MACROD2: variants seen among roughly 807,000 people sequenced by gnomAD.
MACROD2 encodes the protein mono-ADP ribosylhydrolase 2.
MACROD2 carries 36 observed loss-of-function variants against 70.4 expected under a neutral mutation model. That is an observed-to-expected ratio of 0.51 (90% CI 0.39 to 0.68). The LOEUF (loss-of-function observed/expected upper bound fraction) is 0.68. Ranked by LOEUF, MACROD2 falls within the 30% of genes least tolerant of loss-of-function variation. The pLI is 0.00. For synonymous variants in MACROD2, 172 were observed against 178.8 expected (o/e 0.96, Z 0.30); for missense variants, 496 against 538.4 (o/e 0.92, Z 0.78).
chr20:15,828,757 T>C (rs1768120264), intron 8 of MACROD2, among the ~76,000 whole-genome samples: 1 of 152,240 alleles, frequency 6.6e-6, no homozygotes. Flanking sequence ...ATATATTACC[T>C]GTGTTCAGCA....
At chr20:14,269,287 G>A (rs571114366) in intron 3 of MACROD2, among the ~76,000 whole-genome samples, 2 of 152,120 alleles carry the variant, frequency 1.3e-5, no homozygotes, top group Non-Finnish European at 2.9e-5. Flanking sequence ...TTTTAATTTG[G>A]AAATGAGAAT....
chr20:15,310,824 C>T (rs1441038284), intron 6 of MACROD2, among the ~76,000 whole-genome samples: 1 of 152,132 alleles, frequency 6.6e-6, no homozygotes, highest in Non-Finnish European at 1.5e-5. Context: ...AAGGAAATTT[C>T]ATCCAAACAG....
intron 15 of MACROD2, among the ~76,000 whole-genome samples, chr20:16,036,184 T>C (rs1190233875): frequency 1.3e-5 from 2 of 152,018 alleles, no homozygotes; most frequent in Admixed American, 1.3e-4. Context: ...ATGTCACCTA[T>C]GCAACTACAG....
chr20:14,965,523 C>G (rs573254550), intron 5 of MACROD2, among the ~76,000 whole-genome samples: 39 of 141,720 alleles, frequency 2.8e-4, no homozygotes, highest in Admixed American at 8.9e-4. Flanking sequence ...TGTAGTGGCC[C>G]GATCTCGGCT....
At chr20:14,580,663 T>TG (rs1390619832) in intron 4 of MACROD2, among the ~76,000 whole-genome samples, 1 of 152,190 alleles carries the variant, frequency 6.6e-6, no homozygotes, top group Non-Finnish European at 1.5e-5. Context: ...AAAACACTGA[T>TG]GGCAGCATTA....
intron 5 of MACROD2, among the ~76,000 whole-genome samples, chr20:14,809,534 C>T (rs1337776669): frequency 3.3e-5 from 5 of 151,658 alleles, no homozygotes; most frequent in Non-Finnish European, 7.4e-5. Flanking sequence ...ACTAGAGAAG[C>T]AAGAGCAAAC....
At chr20:15,554,367 CTTTA>C (rs2048138000) in intron 8 of MACROD2, among the ~76,000 whole-genome samples, 1 of 152,090 alleles carries the variant, frequency 6.6e-6, no homozygotes, top group Non-Finnish European at 1.5e-5. Flanking sequence ...ACAAAGGACT[CTTTA>C]TTTATCAAAA....
chr20:14,485,179 C>G (rs941772923), intron 3 of MACROD2, among the ~76,000 whole-genome samples: 3 of 152,120 alleles, frequency 2.0e-5, no homozygotes, highest in South Asian at 4.2e-4. Context: ...CACACACACA[C>G]AAACACACAA....
intron 4 of MACROD2, among the ~76,000 whole-genome samples, chr20:14,574,492 T>G (rs1568678452): frequency 6.6e-6 from 1 of 152,122 alleles, no homozygotes; most frequent in African/African-American, 2.4e-5. Flanking sequence ...GCCTCCTGCT[T>G]AAGTCCTGCA....
chr20:14,406,811 A>C (rs2083695694), intron 3 of MACROD2, among the ~76,000 whole-genome samples: 1 of 152,162 alleles, frequency 6.6e-6, no homozygotes, highest in Non-Finnish European at 1.5e-5. Flanking sequence ...AGCATATCAC[A>C]TATTAATCAT....
chr20:15,349,699 T>A (rs2078205992), intron 6 of MACROD2, among the ~76,000 whole-genome samples: 1 of 145,892 alleles, frequency 6.9e-6, no homozygotes. Flanking sequence ...GAGGTTGCAG[T>A]GAGCTGAGAT....
chr20:15,008,806 T>G (rs1293856018), intron 5 of MACROD2, among the ~76,000 whole-genome samples: 1 of 152,188 alleles, frequency 6.6e-6, no homozygotes, highest in Non-Finnish European at 1.5e-5. Context: ...ATCACCTTAT[T>G]AAAGAAGTAC....
intron 3 of MACROD2, among the ~76,000 whole-genome samples, chr20:14,305,554 G>C (rs1026007196): frequency 5.9e-5 from 9 of 152,040 alleles, no homozygotes; most frequent in African/African-American, 2.2e-4. Context: ...TTCTTGATTG[G>C]TTTAGTTCAC....
intron 3 of MACROD2, among the ~76,000 whole-genome samples, chr20:14,377,039 G>T (rs204651): frequency 6.6e-6 from 1 of 152,060 alleles, no homozygotes. Context: ...AAATATCACT[G>T]TCTCCAATTA....
chr20:15,248,414 T>C (rs1350870401), intron 6 of MACROD2, among the ~76,000 whole-genome samples: 1 of 152,152 alleles, frequency 6.6e-6, no homozygotes, highest in East Asian at 1.9e-4. Flanking sequence ...TTCTTCTCAA[T>C]TGTCTTTGTG....
At chr20:14,843,983 A>C (rs2073113121) in intron 5 of MACROD2, among the ~76,000 whole-genome samples, 1 of 152,054 alleles carries the variant, frequency 6.6e-6, no homozygotes, top group Non-Finnish European at 1.5e-5. Flanking sequence ...CACTTCCACC[A>C]TCACCAAGCT....
intron 6 of MACROD2, among the ~76,000 whole-genome samples, chr20:15,393,475 T>G (rs6110590): frequency 0.085 from 12,868 of 152,182 alleles, 1,032 homozygotes; most frequent in African/African-American, 0.22. Context: ...TTTCATAAAT[T>G]TTTCCTTTAT....
intron 5 of MACROD2, among the ~76,000 whole-genome samples, chr20:15,128,546 G>T (rs1317574110): frequency 6.6e-6 from 1 of 152,032 alleles, no homozygotes; most frequent in Non-Finnish European, 1.5e-5. Flanking sequence ...ATACTCTGAG[G>T]TAGGATCAAG....
intron 6 of MACROD2, among the ~76,000 whole-genome samples, chr20:15,324,702 G>T (rs967081140): frequency 1.3e-5 from 2 of 152,124 alleles, no homozygotes; most frequent in African/African-American, 2.4e-5. Context: ...CTTCGAAGGA[G>T]GTCTTTTTTG....
Sources: gnomAD v4.1 joint callset for allele counts (sites outside exome capture counted in the v4.1 genomes callset) on GRCh38, gnomAD v4.1.1 for gene constraint, MANE v1.5 for transcripts, NCBI Gene and HGNC (gene_info 2026-07-23, HGNC 2026-07-21) for gene names.